DLG1: variants seen among roughly 807,000 people sequenced by gnomAD.
DLG1 encodes the protein discs large MAGUK scaffold protein 1, also known as disks large homolog 1.
In DLG1, 42 loss-of-function variants were observed where a neutral mutation model predicts 123.4. The ratio of observed to expected loss-of-function variants is 0.34; its 90% confidence interval spans 0.27 to 0.44. The LOEUF is 0.44. Ranked by LOEUF, DLG1 falls within the 20% of genes least tolerant of loss-of-function variation. The pLI is 1.00. For synonymous variants in DLG1, 317 were observed against 356.2 expected (o/e 0.89, Z 1.24); for missense variants, 942 against 1,082.6 (o/e 0.87, Z 1.82).
intron 3 of DLG1, among the ~76,000 whole-genome samples, chr3:197,294,778 A>G (rs1161596434): frequency 6.6e-6 from 1 of 152,182 alleles, no homozygotes; most frequent in Non-Finnish European, 1.5e-5. Flanking sequence ...TGAACACAGC[A>G]AACCCATCCC....
At position 197,197,389 on chromosome 3, in the gene DLG1, A is replaced by G. The variant is rs139978684; in HGVS notation, c.319-2800T>C. ...GGATTTGCAAAAATTGTGACAAACTAATTCTATATTTATTTTTCATTAATG... is the reference window on the plus strand; with the variant it reads ...GGATTTGCAAAAATTGTGACAAACTGATTCTATATTTATTTTTCATTAATG... On this transcript the variant is annotated intron_variant, in intron 4 of 24. Transcript: ENST00000667157. Among the ~76,000 whole-genome samples the G allele has an allele frequency of 1.1e-4, 16 of 152,318 alleles. 1 individual carries two copies. Among genetic ancestry groups the G allele is most frequent in the African/African-American group, 3.6e-4 (15 of 41,564 alleles).
chr3:197,116,686 A>T (rs556017522), intron 12 of DLG1, among the ~76,000 whole-genome samples: 1 of 152,286 alleles, frequency 6.6e-6, no homozygotes, highest in South Asian at 2.1e-4. Context: ...CAAAAAAACG[A>T]AACAAAATAA....
intron 20 of DLG1, 114 bp downstream of exon 20, chr3:197,066,590 T>C (rs1411236791): frequency 4.8e-6 from 3 of 630,412 alleles, no homozygotes; most frequent in Non-Finnish European, 8.2e-6. Flanking sequence ...TACATGTATA[T>C]GTAGTAAAAA....
At chr3:197,062,072 CACTT>C (rs1736206918) in intron 22 of DLG1, among the ~76,000 whole-genome samples, 1 of 151,990 alleles carries the variant, frequency 6.6e-6, no homozygotes, top group Non-Finnish European at 1.5e-5. Context: ...CCCTTCTATC[CACTT>C]ACTTACTCAC....
chr3:197,183,680 T>C (rs1290647348), intron 5 of DLG1: 2 of 1,550,594 alleles, frequency 1.3e-6, no homozygotes, highest in Admixed American at 2.0e-5. Flanking sequence ...CAGCTTGCAG[T>C]TCATCTGACG....
intron 4 of DLG1, among the ~76,000 whole-genome samples, chr3:197,270,210 A>G (rs915035485): frequency 1.3e-5 from 2 of 152,246 alleles, no homozygotes; most frequent in African/African-American, 4.8e-5. Context: ...GGACATGCTC[A>G]AAGACTAGTA....
intron 4 of DLG1, among the ~76,000 whole-genome samples, chr3:197,194,866 A>G (rs1721578206): frequency 6.6e-6 from 1 of 152,176 alleles, no homozygotes; most frequent in Non-Finnish European, 1.5e-5. Flanking sequence ...TGAATCATGT[A>G]TCTCTAAGAT....
intron 2 of DLG1, chr3:197,296,891 C>A: frequency 2.4e-6 from 1 of 417,904 alleles, no homozygotes; most frequent in Non-Finnish European, 4.3e-6. Context: ...CAGAATAGTG[C>A]TTAGTAAGAA....
At chr3:197,189,289 A>G (rs948084911) in intron 5 of DLG1, among the ~76,000 whole-genome samples, 11 of 152,242 alleles carry the variant, frequency 7.2e-5, no homozygotes, top group Admixed American at 2.6e-4. Context: ...TGGTGCAAAT[A>G]TATCAGGCAA....
At chr3:197,090,194 G>A (rs971877207) in intron 15 of DLG1, among the ~76,000 whole-genome samples, 13 of 151,858 alleles carry the variant, frequency 8.6e-5, no homozygotes, top group Non-Finnish European at 1.5e-4. Flanking sequence ...ATTACTTACA[G>A]TGCTAATGTT....
chr3:197,283,751 G>C (rs564061565), intron 3 of DLG1, among the ~76,000 whole-genome samples: 2 of 151,764 alleles, frequency 1.3e-5, no homozygotes, highest in East Asian at 3.9e-4. Flanking sequence ...GCAACATTTA[G>C]ACAGAATAAC....
chr3:197,298,422 C>A (rs1489565790), intron 1 of DLG1, 114 bp downstream of exon 1: 1 of 398,616 alleles, frequency 2.5e-6, no homozygotes, highest in Non-Finnish European at 4.4e-6. Context: ...CTTTACCTTG[C>A]CCTAGCCCAC....
chr3:197,148,411 GAAAAAAA>G (rs780479244), intron 6 of DLG1, among the ~76,000 whole-genome samples: 1,083 of 42,898 alleles, frequency 0.025, 13 homozygotes, highest in African/African-American at 0.082. Flanking sequence ...ACTGTCTCAA[GAAAAAAA>G]AAAAAAAAAA....
chr3:197,151,149 T>G (rs1362329188), intron 5 of DLG1, among the ~76,000 whole-genome samples: 1 of 152,112 alleles, frequency 6.6e-6, no homozygotes, highest in Non-Finnish European at 1.5e-5. Flanking sequence ...AACTGGTATT[T>G]TACGTTGCTA....
chr3:197,104,233 TTTTA>T (rs1287627340), intron 14 of DLG1, among the ~76,000 whole-genome samples: 18 of 152,288 alleles, frequency 1.2e-4, no homozygotes, highest in African/African-American at 3.8e-4. Context: ...TGCTTATGGT[TTTTA>T]TTATTTTTTC....
chr3:197,292,511 G>A (rs1775437762), intron 3 of DLG1, among the ~76,000 whole-genome samples: 2 of 152,220 alleles, frequency 1.3e-5, no homozygotes, highest in Admixed American at 6.5e-5. Context: ...CAAGACGAAA[G>A]TGTTCTGAAG....
chr3:197,142,358 T>G (rs1788476765), intron 7 of DLG1, among the ~76,000 whole-genome samples: 1 of 152,020 alleles, frequency 6.6e-6, no homozygotes, highest in Admixed American at 6.6e-5. Flanking sequence ...AGTAAGGAAA[T>G]AGAGACTTCA....
At chr3:197,276,573 C>A (rs1015997347) in intron 4 of DLG1, among the ~76,000 whole-genome samples, 1 of 152,208 alleles carries the variant, frequency 6.6e-6, no homozygotes, top group Non-Finnish European at 1.5e-5. Context: ...AATACTCACA[C>A]TGTTAAGTCA....
intron 6 of DLG1, among the ~76,000 whole-genome samples, chr3:197,148,936 T>C (rs906945858): frequency 6.6e-6 from 1 of 152,228 alleles, no homozygotes; most frequent in Non-Finnish European, 1.5e-5. Flanking sequence ...CAGCAGAATG[T>C]ACTGACAAAC....
Sources: gnomAD v4.1 joint callset for allele counts (sites outside exome capture counted in the v4.1 genomes callset) on GRCh38, gnomAD v4.1.1 for gene constraint, MANE v1.5 for transcripts, NCBI Gene and HGNC (gene_info 2026-07-23, HGNC 2026-07-21) for gene names.